RNF145: variants seen among roughly 807,000 people sequenced by gnomAD.
RNF145 encodes the protein ring finger protein 145.
In RNF145, 12 loss-of-function variants were observed where a neutral mutation model predicts 57.3. That is an observed-to-expected ratio of 0.21 (90% CI 0.13 to 0.34). The LOEUF (loss-of-function observed/expected upper bound fraction) is 0.34, where lower values mean the gene tolerates loss of function less well. RNF145 is among the 10% of genes least tolerant of loss of function. RNF145 has a pLI of 1.00. For synonymous variants in RNF145, 262 were observed against 288.3 expected (o/e 0.91, Z 0.92); for missense variants, 429 against 799.0 (o/e 0.54, Z 5.58).
At chr5:159,167,842 G>A (rs781148149) in intron 8 of RNF145, among the ~76,000 whole-genome samples, 3 of 152,166 alleles carry the variant, frequency 2.0e-5, no homozygotes, top group Non-Finnish European at 4.4e-5. Flanking sequence ...TTGGCAATGT[G>A]TGTTATGGGG....
At chr5:159,161,235 T>A (rs1562044800) in intron 10 of RNF145, 31 bp downstream of exon 10, 2 of 1,434,470 alleles carry the variant, frequency 1.4e-6, no homozygotes, top group East Asian at 2.3e-5. Flanking sequence ...CTGTATGACT[T>A]ACCCAAACAC....
At chr5:159,200,790 A>C (rs1344345247) in intron 2 of RNF145, among the ~76,000 whole-genome samples, 1 of 152,244 alleles carries the variant, frequency 6.6e-6, no homozygotes, top group Non-Finnish European at 1.5e-5. Context: ...AGAATCTCAC[A>C]GAAAAGTGGG....
chr5:159,200,585 C>T (rs939582065), intron 2 of RNF145, among the ~76,000 whole-genome samples: 1 of 152,040 alleles, frequency 6.6e-6, no homozygotes, highest in Non-Finnish European at 1.5e-5. Context: ...AGATAAAATA[C>T]AACAGAATTC....
chr5:159,176,993 G>A, intron 4 of RNF145, 126 bp from the exon 5 acceptor site: 1 of 590,682 alleles, frequency 1.7e-6, no homozygotes, highest in Non-Finnish European at 3.1e-6. Context: ...AAATCTCGTA[G>A]ATAATATTTT....
intron 1 of RNF145, chr5:159,207,618 A>G (rs1455477640): frequency 6.3e-6 from 10 of 1,599,672 alleles, no homozygotes; most frequent in African/African-American, 1.4e-5. Context: ...ACAAAGCTAG[A>G]GCCTAAAATT....
intron 1 of RNF145, among the ~76,000 whole-genome samples, chr5:159,204,532 G>A (rs890764458): frequency 2.0e-5 from 3 of 152,212 alleles, no homozygotes; most frequent in East Asian, 1.9e-4. Context: ...AAGGCCGGGC[G>A]CAGTGGCACA....
chr5:159,179,654 A>C (rs924883711), intron 4 of RNF145, among the ~76,000 whole-genome samples: 1 of 152,142 alleles, frequency 6.6e-6, no homozygotes, highest in African/African-American at 2.4e-5. Flanking sequence ...TATGCATCAT[A>C]AACTAAAACT....
intron 4 of RNF145, among the ~76,000 whole-genome samples, chr5:159,177,853 T>C (rs1274629219): frequency 6.6e-6 from 1 of 152,042 alleles, no homozygotes; most frequent in Non-Finnish European, 1.5e-5. Flanking sequence ...TGGCATTTTG[T>C]TGGTTACTAA....
chr5:159,209,251 C>A lies in RNF145; in HGVS notation c.-60G>T. The stretch of plus-strand genomic sequence containing the variant: ...GTCACCTCAGGCTGCGGACTCCCTC[C>A]CTGGGGAGCGGCGCTGCCGGCGGGC... On this transcript the variant is annotated 5_prime_UTR_variant, in exon 1 of 11. Coordinates refer to ENST00000424310, the MANE Select transcript of RNF145 (RefSeq NM_001199383.2). 7.1e-6 allele frequency: 7 copies of A among 985,266 alleles called. No individual in the cohort carries two copies. Among genetic ancestry groups the A allele is most frequent in the Non-Finnish European group, 8.4e-6 (7 of 829,808 alleles). The allele number at this position is 985,266 out of a possible 1,614,324, so 61.0% of individuals were successfully genotyped here.
upstream of RNF145, chr5:159,209,792 GAC>G (rs570797405): frequency 7.6e-5 from 112 of 1,469,774 alleles, 1 homozygote; most frequent in African/African-American, 1.4e-3. Flanking sequence ...GCGCCATTCT[GAC>G]ACACGTGCTC....
intron 6 of RNF145, 114 bp from the exon 7 acceptor site, chr5:159,169,933 C>T: frequency 1.3e-6 from 1 of 787,256 alleles, no homozygotes; most frequent in South Asian, 2.4e-5. Flanking sequence ...TTAAAACATC[C>T]TAAACCAAAA....
intron 2 of RNF145, among the ~76,000 whole-genome samples, chr5:159,199,976 A>C (rs995597897): frequency 6.6e-6 from 1 of 152,136 alleles, no homozygotes; most frequent in Admixed American, 6.6e-5. Flanking sequence ...TACAATTAGA[A>C]GACATAAAGG....
chr5:159,205,167 A>C (rs979292638), intron 1 of RNF145, among the ~76,000 whole-genome samples: 3 of 152,288 alleles, frequency 2.0e-5, no homozygotes, highest in African/African-American at 7.2e-5. Context: ...CCCATAACCC[A>C]AATGTTTTAT....
At chr5:159,198,936 C>T (rs1785566715) in intron 2 of RNF145, among the ~76,000 whole-genome samples, 1 of 152,114 alleles carries the variant, frequency 6.6e-6, no homozygotes, top group Non-Finnish European at 1.5e-5. Flanking sequence ...CATGATCACA[C>T]CACTGCACTC....
rs995050533 is a variant in RNF145, at chr5:159,183,804, T to C, written c.294-1753A>G. ...AAAATCCATACAGACAAAACACAGA[T>C]TGGTGGTTGCCAGGGGCTGGGGAGA... On this transcript the variant is annotated intron_variant, in intron 3 of 10. Coordinates refer to ENST00000424310, the MANE Select transcript of RNF145 (RefSeq NM_001199383.2). Among the ~76,000 whole-genome samples the C allele has an allele frequency of 5.3e-5, 8 of 151,952 alleles. No homozygotes were observed. In the East Asian group the frequency reaches 5.8e-4, roughly 11 times the overall value.
chr5:159,196,229 GTTTT>G (rs11360125), intron 2 of RNF145, among the ~76,000 whole-genome samples: 1 of 129,086 alleles, frequency 7.7e-6, no homozygotes, highest in Non-Finnish European at 1.7e-5. Context: ...AATATTATGA[GTTTT>G]TTTTTTTTTT....
intron 3 of RNF145, among the ~76,000 whole-genome samples, chr5:159,190,546 C>T (rs1238887539): frequency 6.6e-6 from 1 of 151,850 alleles, no homozygotes; most frequent in Non-Finnish European, 1.5e-5. Flanking sequence ...TTTTAATTAG[C>T]TAGGCATGGT....
At chr5:159,192,996 G>A (rs573260902) in intron 3 of RNF145, among the ~76,000 whole-genome samples, 61 of 152,198 alleles carry the variant, frequency 4.0e-4, no homozygotes, top group Non-Finnish European at 7.8e-4. Context: ...CAGAGGTATC[G>A]GGGTAAGGCC....
intron 3 of RNF145, among the ~76,000 whole-genome samples, chr5:159,190,646 CCA>C (rs1785257808): frequency 6.8e-6 from 1 of 147,622 alleles, no homozygotes; most frequent in African/African-American, 2.5e-5. Context: ...CTGCACCACT[CCA>C]CTGCAACCTT....
Sources: gnomAD v4.1 joint callset for allele counts (sites outside exome capture counted in the v4.1 genomes callset) on GRCh38, gnomAD v4.1.1 for gene constraint, MANE v1.5 for transcripts, NCBI Gene and HGNC (gene_info 2026-07-23, HGNC 2026-07-21) for gene names.